TIAM1: variants seen among roughly 807,000 people sequenced by gnomAD.
The protein encoded by TIAM1 is TIAM Rac1 associated GEF 1.
Under a neutral mutation model 163.5 loss-of-function variants are expected in TIAM1, and 65 were observed. The ratio of observed to expected loss-of-function variants is 0.40; its 90% confidence interval spans 0.33 to 0.49. The LOEUF (loss-of-function observed/expected upper bound fraction) is 0.49, where lower values mean the gene tolerates loss of function less well. Ranked by LOEUF, TIAM1 falls within the 20% of genes least tolerant of loss-of-function variation. TIAM1 has a pLI of 0.77. For synonymous variants in TIAM1, 833 were observed against 810.1 expected (o/e 1.03, Z -0.48); for missense variants, 1,789 against 2,044.7 (o/e 0.87, Z 2.41).
intron 1 of TIAM1, among the ~76,000 whole-genome samples, chr21:31,530,435 G>A (rs116863629): frequency 0.039 from 5,902 of 152,294 alleles, 195 homozygotes; most frequent in Non-Finnish European, 0.061. Flanking sequence ...GCTCTTCACC[G>A]TCAATGCTAT....
chr21:31,403,275 G>C (rs1219171971), intron 2 of TIAM1, among the ~76,000 whole-genome samples: 1 of 152,090 alleles, frequency 6.6e-6, no homozygotes, highest in African/African-American at 2.4e-5. Flanking sequence ...AGACTCCTAA[G>C]TAGCTGGGAC....
chr21:31,462,893 C>A (rs2045387484), intron 2 of TIAM1, among the ~76,000 whole-genome samples: 1 of 152,146 alleles, frequency 6.6e-6, no homozygotes, highest in Non-Finnish European at 1.5e-5. Flanking sequence ...CAGGCACCTG[C>A]CACCATGCCC....
intron 15 of TIAM1, among the ~76,000 whole-genome samples, chr21:31,175,190 G>A (rs531219934): frequency 6.6e-6 from 1 of 152,062 alleles, no homozygotes; most frequent in East Asian, 1.9e-4. Context: ...TAATCCTCCC[G>A]CCTCAGCCTC....
At chr21:31,317,518 G>A (rs1214567628) in intron 2 of TIAM1, among the ~76,000 whole-genome samples, 4 of 152,078 alleles carry the variant, frequency 2.6e-5, no homozygotes, top group East Asian at 1.9e-4. Context: ...GGCGGCTCAC[G>A]CCTGTAATCC....
chr21:31,294,674 A>G (rs1055005189), intron 2 of TIAM1, among the ~76,000 whole-genome samples: 6 of 152,234 alleles, frequency 3.9e-5, no homozygotes, highest in African/African-American at 7.2e-5. Flanking sequence ...GGGCATCATT[A>G]ATGTAGAGAT....
At chr21:31,510,066 T>C (rs2047162602) in intron 1 of TIAM1, among the ~76,000 whole-genome samples, 1 of 152,244 alleles carries the variant, frequency 6.6e-6, no homozygotes, top group African/African-American at 2.4e-5. Context: ...CAAAAAGATA[T>C]GCTGAAGTCC....
At chr21:31,290,513 G>A (rs973394479) in intron 2 of TIAM1, among the ~76,000 whole-genome samples, 2 of 151,610 alleles carry the variant, frequency 1.3e-5, no homozygotes, top group Non-Finnish European at 2.9e-5. Flanking sequence ...CAGGAATGAC[G>A]GCGCGTGCCT....
chr21:31,452,550 A>G (rs1319529324), intron 2 of TIAM1: 16 of 604,110 alleles, frequency 2.6e-5, no homozygotes, highest in Non-Finnish European at 4.2e-5. Context: ...TCTCCGAGGG[A>G]CACCTTCGTC....
chr21:31,219,992 CAT>C (rs773697014), intron 8 of TIAM1, among the ~76,000 whole-genome samples: 25 of 152,184 alleles, frequency 1.6e-4, no homozygotes, highest in Non-Finnish European at 3.4e-4. Context: ...CATATGCTCA[CAT>C]GACTATGTCA....
chr21:31,223,928 T>C (rs1233511750), intron 7 of TIAM1, among the ~76,000 whole-genome samples: 1 of 152,114 alleles, frequency 6.6e-6, no homozygotes, highest in Non-Finnish European at 1.5e-5. Context: ...AAGAACTATA[T>C]GACTTAACAA....
chr21:31,155,187 A>G (rs1447963874), intron 16 of TIAM1, among the ~76,000 whole-genome samples: 1 of 152,248 alleles, frequency 6.6e-6, no homozygotes, highest in Non-Finnish European at 1.5e-5. Flanking sequence ...TTTGAAACGT[A>G]GGATTCCAGG....
Position 31,217,625 on chromosome 21 carries a change from C to G in TIAM1, c.2070G>C (p.Arg690Ser). ...QAMSRSASKR[R>S]SRFSSLWGLD... Reference sequence around the variant, plus strand: ...GACCCCACAGAGAAGAAAACCTGCTCCTTCGCTTGCTCGCGGATCTGGACA... The same window carrying G: ...GACCCCACAGAGAAGAAAACCTGCTGCTTCGCTTGCTCGCGGATCTGGACA... The change falls in exon 9 of 28, where the codon AGG (arginine) becomes AGC (serine). Residue 690 changes from arginine (R) to serine (S), a missense_variant. Physicochemically the swap from Arg to Ser is moderately radical, Grantham distance 110. Coordinates refer to ENST00000541036, the MANE Select transcript of TIAM1 (RefSeq NM_001353694.2). The G allele has an allele frequency of 6.2e-7, 1 of 1,614,112 alleles. No individual in the cohort carries two copies. The highest frequency in any genetic ancestry group is 8.5e-7 in the Non-Finnish European group (1 of 1,180,012).
chr21:31,148,461 T>G (rs1459209664), intron 19 of TIAM1, among the ~76,000 whole-genome samples: 1 of 152,162 alleles, frequency 6.6e-6, no homozygotes, highest in Non-Finnish European at 1.5e-5. Context: ...GGACTGTGAG[T>G]CCATTAAACC....
In TIAM1 at chr21:31,395,655, G is replaced by C. The variant is rs1218051318; in HGVS notation, c.-368-56233C>G. Among the ~76,000 whole-genome samples, 1 of 152,182 alleles carries C rather than the reference G, an allele frequency of 6.6e-6. No individual in the cohort carries two copies. The highest frequency in any genetic ancestry group is 6.5e-5 in the Admixed American group (1 of 15,282). On this transcript the variant is annotated intron_variant, in intron 2 of 28. Coordinates refer to the TIAM1 transcript ENST00000286827. The surrounding 1 kb of genome is among the most constrained non-coding windows in gnomAD (Gnocchi z 7.5). ...AGAGGGCATGGGGGTAGTAAAAGGT[G>C]CTGGACGAGAGAATAAATATTGACT...
chr21:31,464,285 C>G (rs2045441903), intron 1 of TIAM1, among the ~76,000 whole-genome samples: 1 of 152,210 alleles, frequency 6.6e-6, no homozygotes. Flanking sequence ...CGGCACATCA[C>G]CCTAACAGCC....
intron 6 of TIAM1, among the ~76,000 whole-genome samples, chr21:31,230,425 G>T (rs1431563265): frequency 6.6e-6 from 1 of 151,748 alleles, no homozygotes; most frequent in Admixed American, 6.6e-5. Context: ...AAAAGTTTTG[G>T]TTCTGTTTTT....
rs1045275996 is a variant in TIAM1 at position 31,118,614 on chromosome 21, G to A, written c.*1754C>T. Reference sequence around the variant, plus strand: ...GACTTCCGAGTGTTTTCAGATGGATGTGTTGCACTGGAGCCAGTAAATGCG... The same window carrying A: ...GACTTCCGAGTGTTTTCAGATGGATATGTTGCACTGGAGCCAGTAAATGCG... On this transcript the variant is annotated 3_prime_UTR_variant, in exon 28 of 28. Transcript: ENST00000541036. The A allele has an allele frequency of 1.1e-5, 5 of 471,266 alleles. No homozygotes were observed. The highest frequency in any genetic ancestry group is 4.0e-5 in the African/African-American group (2 of 50,072). 29.2% of individuals were successfully genotyped at this position (471,266 alleles called of 1,614,324 possible). A position where few individuals can be genotyped will look rare whatever the true frequency, so the allele number is the denominator to read the frequency against.
chr21:31,476,233 A>G (rs1364602634), intron 1 of TIAM1, among the ~76,000 whole-genome samples: 1 of 152,246 alleles, frequency 6.6e-6, no homozygotes, highest in Non-Finnish European at 1.5e-5. Flanking sequence ...CAACAATGAA[A>G]TGTGCATTAT....
At chr21:31,196,969 T>A (rs1197991350) in intron 12 of TIAM1, among the ~76,000 whole-genome samples, 1 of 152,180 alleles carries the variant, frequency 6.6e-6, no homozygotes, top group Non-Finnish European at 1.5e-5. Flanking sequence ...GAAGCCATTA[T>A]CCTACGTGAA....
Sources: allele counts gnomAD v4.1 joint callset (sites outside exome capture counted in the v4.1 genomes callset), GRCh38; gene constraint gnomAD v4.1.1; non-coding constraint Gnocchi (gnomAD v3.1); transcripts MANE v1.5; gene names NCBI Gene and HGNC (gene_info 2026-07-23, HGNC 2026-07-21).